Variants in GLCE observed in about 807,000 individuals in gnomAD.
GLCE encodes D-glucuronyl C5-epimerase.
In GLCE, 19 loss-of-function variants were observed where a neutral mutation model predicts 47.9. That is an observed-to-expected ratio of 0.40 (90% CI 0.28 to 0.58). GLCE has a LOEUF of 0.58. Among genes scored for constraint, GLCE ranks in the 20% least tolerant of loss-of-function variants. The probability of loss-of-function intolerance (pLI) is 0.48; values close to 1 mark genes in which losing one functional copy is unlikely to be tolerated. For missense variants in GLCE, 556 were observed against 743.3 expected (o/e 0.75, Z 2.93); for synonymous variants, 245 against 263.4 (o/e 0.93, Z 0.68).
chr15:69,229,553 C>CT (rs1176567116), intron 2 of GLCE, among the ~76,000 whole-genome samples: 1 of 151,920 alleles, frequency 6.6e-6, no homozygotes, highest in Non-Finnish European at 1.5e-5. Context: ...ATTTAAGAAA[C>CT]TTTTTTCTTA....
At chr15:69,231,909 G>A (rs1265459451) in intron 2 of GLCE, among the ~76,000 whole-genome samples, 1 of 151,754 alleles carries the variant, frequency 6.6e-6, no homozygotes, top group Non-Finnish European at 1.5e-5. Context: ...TCTCCTGCCT[G>A]AGCCTCCCAA....
intron 1 of GLCE, among the ~76,000 whole-genome samples, chr15:69,191,330 A>G (rs2051910443): frequency 6.6e-6 from 1 of 152,156 alleles, no homozygotes; most frequent in South Asian, 2.1e-4. Flanking sequence ...ATTGTAGTGT[A>G]TCACCTCCGG....
At chr15:69,197,318 C>T in intron 1 of GLCE, 1 of 270,278 alleles carries the variant, frequency 3.7e-6, no homozygotes, top group Non-Finnish European at 7.5e-6. Flanking sequence ...AACCAGAATG[C>T]AGAAAAAGCT....
chr15:69,171,248 G>A (rs915035783), intron 1 of GLCE, among the ~76,000 whole-genome samples: 1 of 151,982 alleles, frequency 6.6e-6, no homozygotes, highest in Non-Finnish European at 1.5e-5. Flanking sequence ...ATATATAGTA[G>A]TAATTTGTCT....
At chr15:69,195,842 C>T (rs2051981955) in intron 1 of GLCE, among the ~76,000 whole-genome samples, 1 of 152,138 alleles carries the variant, frequency 6.6e-6, no homozygotes, top group South Asian at 2.1e-4. Context: ...TTCATTCATT[C>T]ATTAAACAAA....
In GLCE at chr15:69,220,850, A is replaced by G. The variant is rs2052368276; in HGVS notation, c.-14+10444A>G. Among the ~76,000 whole-genome samples the G allele has an allele frequency of 2.0e-5, 3 of 152,280 alleles. No individual in the cohort carries two copies. In the South Asian group the frequency reaches 6.2e-4, roughly 32 times the overall value. ...TTTGAGTAATATCCAGGAAATCATT[A>G]CTAAATCCAATATTGTGAAGCTTTT... On this transcript the variant is annotated intron_variant, in intron 2 of 4. Transcript: ENST00000261858.
chr15:69,171,791 T>A (rs1357266487), intron 1 of GLCE, among the ~76,000 whole-genome samples: 1 of 152,152 alleles, frequency 6.6e-6, no homozygotes, highest in Non-Finnish European at 1.5e-5. Flanking sequence ...TAGCCCAGGA[T>A]AAGTTAGGGG....
chr15:69,169,345 T>G (rs1016905826), intron 1 of GLCE, among the ~76,000 whole-genome samples: 2 of 152,230 alleles, frequency 1.3e-5, no homozygotes, highest in Non-Finnish European at 2.9e-5. Context: ...GCAAAGCGCT[T>G]CATTTAAATA....
chr15:69,255,975 G>T lies in GLCE; in HGVS notation c.169G>T (p.Ala57Ser). ...AGTGGATGGGTTTGAAAAAAGAGCA[G>T]CAGCATCTGAGAGTAACAACTATAT... Reference protein sequence around the residue: ...FRVDGFEKRAAASESNNYMNH... With the variant: ...FRVDGFEKRASASESNNYMNH... Residue 57 changes from alanine (A) to serine (S), a missense_variant, in exon 3 of 5, where the codon GCA (alanine) becomes TCA (serine). Physicochemically the swap from Ala to Ser is moderately conservative, Grantham distance 99 (BLOSUM62 1). Transcript: ENST00000261858. 1 of 1,614,072 alleles carries T rather than the reference G, an allele frequency of 6.2e-7. No homozygotes were observed. Among genetic ancestry groups the T allele is most frequent in the Non-Finnish European group, 8.5e-7 (1 of 1,180,002 alleles).
intron 3 of GLCE, among the ~76,000 whole-genome samples, chr15:69,257,942 AC>A (rs1379035005): frequency 6.6e-6 from 1 of 151,798 alleles, no homozygotes; most frequent in Non-Finnish European, 1.5e-5. Flanking sequence ...TAATATTTTG[AC>A]TTTTTTTCCC....
At chr15:69,257,981 T>TTTTTA (rs920160339) in intron 3 of GLCE, among the ~76,000 whole-genome samples, 69 of 152,052 alleles carry the variant, frequency 4.5e-4, no homozygotes, top group African/African-American at 1.0e-3. Context: ...TAGAAATATA[T>TTTTTA]TTTTATTTTA....
chr15:69,208,193 G>A (rs539896436), intron 1 of GLCE, among the ~76,000 whole-genome samples: 6 of 152,014 alleles, frequency 3.9e-5, no homozygotes, highest in South Asian at 2.1e-4. Context: ...TGTTTTTGAT[G>A]TCATATCTCA....
chr15:69,246,477 G>A (rs1395492076), intron 2 of GLCE, among the ~76,000 whole-genome samples: 1 of 152,136 alleles, frequency 6.6e-6, no homozygotes, highest in African/African-American at 2.4e-5. Flanking sequence ...CAGCACTTTG[G>A]GAGGCTGAGG....
At chr15:69,243,720 AG>A (rs1047458228) in intron 2 of GLCE, among the ~76,000 whole-genome samples, 2 of 148,578 alleles carry the variant, frequency 1.3e-5, no homozygotes, top group African/African-American at 2.5e-5. Context: ...GAAAAAAAAA[AG>A]TTAAAGCTTT....
At chr15:69,208,864 GT>G (rs1390624535) in intron 1 of GLCE, among the ~76,000 whole-genome samples, 1 of 151,982 alleles carries the variant, frequency 6.6e-6, no homozygotes, top group East Asian at 1.9e-4. Flanking sequence ...TCAAGTATTT[GT>G]TTTTTATGGA....
At chr15:69,190,875 T>C (rs2051901599) in intron 1 of GLCE, among the ~76,000 whole-genome samples, 1 of 152,146 alleles carries the variant, frequency 6.6e-6, no homozygotes. Flanking sequence ...TTCTTTTGGA[T>C]TGAGAAGTTT....
At chr15:69,244,094 A>G (rs1025167800) in intron 2 of GLCE, among the ~76,000 whole-genome samples, 7 of 152,248 alleles carry the variant, frequency 4.6e-5, no homozygotes, top group African/African-American at 1.7e-4. Flanking sequence ...TCAACGAGCT[A>G]TACCAGAATA....
At chr15:69,166,165 C>T (rs2051498442) in intron 1 of GLCE, among the ~76,000 whole-genome samples, 2 of 152,128 alleles carry the variant, frequency 1.3e-5, no homozygotes, top group South Asian at 4.1e-4. Context: ...CTGATGTATG[C>T]AGGTTTTTAT....
intron 1 of GLCE, among the ~76,000 whole-genome samples, chr15:69,187,519 T>C (rs2051841886): frequency 6.6e-6 from 1 of 152,212 alleles, no homozygotes; most frequent in Non-Finnish European, 1.5e-5. Context: ...AAATCCTGCT[T>C]TCTCCTTCCC....
Sources: gnomAD v4.1 joint callset for allele counts (sites outside exome capture counted in the v4.1 genomes callset) on GRCh38, gnomAD v4.1.1 for gene constraint, MANE v1.5 for transcripts, NCBI Gene and HGNC (gene_info 2026-07-23, HGNC 2026-07-21) for gene names.